The following KALRN variants were observed in gnomAD, a reference collection of about 807,000 sequenced individuals.
The protein encoded by KALRN is kalirin.
A neutral mutation model predicts 353.7 loss-of-function variants in KALRN; 70 were observed. The observed-to-expected ratio is 0.20, with a 90% CI of 0.16 to 0.24. KALRN has a LOEUF of 0.24. KALRN is among the 10% of genes least tolerant of loss of function. The probability of loss-of-function intolerance (pLI) is 1.00; values close to 1 mark genes in which losing one functional copy is unlikely to be tolerated. For synonymous variants in KALRN, 1,391 were observed against 1,434.8 expected, an observed-to-expected ratio of 0.97 and a Z score of 0.69; for missense variants, 2,791 against 3,756.7, an observed-to-expected ratio of 0.74 and a Z score of 6.72.
chr3:124,328,135 A>G (rs972781540), intron 7 of KALRN, among the ~76,000 whole-genome samples: 2 of 152,178 alleles, frequency 1.3e-5, no homozygotes, highest in African/African-American at 2.4e-5. Context: ...AGAACTTCCT[A>G]AAGACTGAAA....
At chr3:124,461,747 T>C in intron 23 of KALRN, 143 bp from the exon 24 acceptor site, 1 of 626,580 alleles carries the variant, frequency 1.6e-6, no homozygotes, top group Non-Finnish European at 2.8e-6. Flanking sequence ...GGAAGGAATT[T>C]TGAAGAAAGG....
chr3:124,717,650 C>T (rs770381525), intron 59 of KALRN, among the ~76,000 whole-genome samples: 5 of 151,130 alleles, frequency 3.3e-5, no homozygotes, highest in East Asian at 2.0e-4. Context: ...GAGCCGAGAT[C>T]GCGCCACTGC....
At chr3:124,135,578 G>A (rs1467373237) in intron 1 of KALRN, among the ~76,000 whole-genome samples, 1 of 152,152 alleles carries the variant, frequency 6.6e-6, no homozygotes. Context: ...GGTGTTAGAG[G>A]TCTGGGGTCT....
chr3:124,498,590 G>A (rs1238875463), intron 33 of KALRN, among the ~76,000 whole-genome samples: 1 of 152,188 alleles, frequency 6.6e-6, no homozygotes, highest in African/African-American at 2.4e-5. Context: ...GCTAAAGAAA[G>A]ATCAAATCCC....
chr3:124,407,649 G>A (rs2091710209), intron 13 of KALRN: 1 of 152,064 alleles, frequency 6.6e-6, no homozygotes, highest in Non-Finnish European at 1.5e-5. Context: ...GGCAGAGTCG[G>A]TTTAAAAAAA....
At chr3:124,274,454 T>C (rs1278379729) in intron 5 of KALRN, among the ~76,000 whole-genome samples, 1 of 152,254 alleles carries the variant, frequency 6.6e-6, no homozygotes, top group Non-Finnish European at 1.5e-5. Context: ...CATTTCTGAA[T>C]AAAGGAAGCT....
chr3:124,233,929 C>T (rs1258215601), intron 2 of KALRN, among the ~76,000 whole-genome samples: 3 of 152,148 alleles, frequency 2.0e-5, no homozygotes, highest in Admixed American at 1.3e-4. Flanking sequence ...TCCTGTTTAA[C>T]GCCCCTGAGA....
chr3:124,593,761 C>T (rs1054974477), intron 34 of KALRN, among the ~76,000 whole-genome samples: 4 of 152,228 alleles, frequency 2.6e-5, no homozygotes, highest in South Asian at 4.1e-4. Flanking sequence ...ATGTCTTCCA[C>T]GAGCTTAACA....
At chr3:124,438,679 T>A (rs200473879) in intron 17 of KALRN, among the ~76,000 whole-genome samples, 1 of 118,216 alleles carries the variant, frequency 8.5e-6, no homozygotes, top group Admixed American at 1.1e-4. Context: ...CATAAAAAGA[T>A]GATTCCAAAA....
rs1418749269 is a variant in KALRN at position 124,271,160 on chromosome 3, A to T, written c.969+1905A>T. Among the ~76,000 whole-genome samples the T allele has an allele frequency of 2.6e-5, 4 of 152,188 alleles. No homozygotes were observed. In the East Asian group the frequency reaches 7.7e-4, roughly 29 times the overall value. ...TGCCAGTTTTGGAAAGATCTGGAAC[A>T]TCTCTTTTTTCTTGAGGCCTGTTTT... is the stretch of plus-strand genomic sequence containing the variant. On this transcript the variant is annotated intron_variant, in intron 5 of 59. Coordinates refer to ENST00000682506, the MANE Select transcript of KALRN (RefSeq NM_001388419.1).
chr3:124,111,190 C>T (rs2062933733), intron 1 of KALRN, among the ~76,000 whole-genome samples: 1 of 152,182 alleles, frequency 6.6e-6, no homozygotes, highest in African/African-American at 2.4e-5. Context: ...ACCCCAATAC[C>T]TTACATCTTT....
chr3:124,232,050 A>G (rs1444044561), intron 2 of KALRN, among the ~76,000 whole-genome samples: 1 of 152,084 alleles, frequency 6.6e-6, no homozygotes, highest in East Asian at 1.9e-4. Flanking sequence ...TCCTCTTGTC[A>G]TTTGGGAGAG....
intron 33 of KALRN, among the ~76,000 whole-genome samples, chr3:124,561,613 A>C (rs1234860281): frequency 6.6e-6 from 1 of 152,196 alleles, no homozygotes. Flanking sequence ...GCTACACAAC[A>C]TATTTGGACA....
chr3:124,090,530 GC>G (rs2061054423), intron 1 of KALRN, among the ~76,000 whole-genome samples: 1 of 152,230 alleles, frequency 6.6e-6, no homozygotes, highest in Non-Finnish European at 1.5e-5. Flanking sequence ...CTGGGTGGCA[GC>G]TTCTCACCCC....
chr3:124,070,568 C>T (rs2059970436), intron 1 of KALRN, among the ~76,000 whole-genome samples: 1 of 152,216 alleles, frequency 6.6e-6, no homozygotes, highest in South Asian at 2.1e-4. Flanking sequence ...CATGACTTGT[C>T]ATCACAAACC....
chr3:124,539,914 AT>A (rs199686976), intron 33 of KALRN, among the ~76,000 whole-genome samples: 1 of 97,360 alleles, frequency 1.0e-5, no homozygotes, highest in Non-Finnish European at 2.0e-5. Context: ...CACCAAGCTA[AT>A]TTTTTTTGGG....
intron 10 of KALRN, 184 bp from the exon 11 acceptor site, chr3:124,384,661 C>T (rs990319960): frequency 1.9e-6 from 1 of 512,912 alleles, no homozygotes; most frequent in Non-Finnish European, 3.5e-6. Context: ...AGCTGGTGCC[C>T]GCCTGCAGGC....
rs190296256 is a variant in KALRN at position 124,339,844 on chromosome 3, C to T, written c.1647+5349C>T. ...CATCAAGCATCTTCTTGTTTTACCC[C>T]GTGGATCAAATTATGACACAAGCTG... On this transcript the variant is annotated intron_variant, in intron 9 of 59. Transcript: ENST00000682506. 1.6e-3 allele frequency among the ~76,000 whole-genome samples: 243 copies of T among 152,212 alleles called. 1 individual carries two copies. The highest frequency in any genetic ancestry group is 5.5e-3 in the African/African-American group (230 of 41,520).
intron 42 of KALRN, 96 bp downstream of exon 42, chr3:124,658,613 A>AC: frequency 2.3e-6 from 2 of 878,606 alleles, no homozygotes; most frequent in Non-Finnish European, 3.8e-6. Context: ...TCCATATGTG[A>AC]CCCCCACACA....
Sources: gnomAD v4.1 joint callset for allele counts (sites outside exome capture counted in the v4.1 genomes callset) on GRCh38, gnomAD v4.1.1 for gene constraint, MANE v1.5 for transcripts, NCBI Gene and HGNC (gene_info 2026-07-23, HGNC 2026-07-21) for gene names.